RBFOX1: variants seen among roughly 807,000 people sequenced by gnomAD.
RBFOX1 encodes RNA binding protein fox-1 homolog 1.
A neutral mutation model predicts 57.7 loss-of-function variants in RBFOX1; 8 were observed. The ratio of observed to expected loss-of-function variants is 0.14; its 90% CI spans 0.08 to 0.25. The LOEUF is 0.25. Among genes scored for constraint, RBFOX1 ranks in the 10% least tolerant of loss-of-function variants. The pLI, the probability that RBFOX1 is intolerant of heterozygous loss-of-function variation, is 1.00. For synonymous variants in RBFOX1, 326 were observed against 222.4 expected, an observed-to-expected ratio of 1.47 and a Z score of -4.15; for missense variants, 611 against 548.5, an observed-to-expected ratio of 1.11 and a Z score of -1.14.
chr16:7,475,429 G>A (rs1195417467), intron 4 of RBFOX1, among the ~76,000 whole-genome samples: 2 of 151,300 alleles, frequency 1.3e-5, no homozygotes, highest in Non-Finnish European at 2.9e-5. Flanking sequence ...ATTCTCCTGC[G>A]TCAGCCTCCT....
intron 3 of RBFOX1, among the ~76,000 whole-genome samples, chr16:6,921,737 G>A (rs904430798): frequency 4.0e-5 from 6 of 151,016 alleles, no homozygotes; most frequent in Non-Finnish European, 5.9e-5. Flanking sequence ...TCATATATAT[G>A]AGCATATGTA....
chr16:5,542,264 T>G (rs1398769063), intron 2 of RBFOX1, among the ~76,000 whole-genome samples: 2 of 107,136 alleles, frequency 1.9e-5, no homozygotes, highest in Non-Finnish European at 2.1e-5. Context: ...TTTTTTTTTT[T>G]TTGAGACAGA....
At chr16:6,809,590 C>T (rs1275105938) in intron 3 of RBFOX1, among the ~76,000 whole-genome samples, 1 of 152,106 alleles carries the variant, frequency 6.6e-6, no homozygotes, top group Non-Finnish European at 1.5e-5. Context: ...CCAAAAGTGC[C>T]ATAACCTTGG....
At chr16:5,525,491 A>ATTT (rs71404528) in intron 2 of RBFOX1, among the ~76,000 whole-genome samples, 1,304 of 78,258 alleles carry the variant, frequency 0.017, 83 homozygotes, top group East Asian at 0.026. Context: ...AGCCGACACT[A>ATTT]TTTTTTTTTT....
At chr16:7,048,059 A>G (rs996222119) in intron 3 of RBFOX1, among the ~76,000 whole-genome samples, 5 of 151,760 alleles carry the variant, frequency 3.3e-5, no homozygotes, top group Non-Finnish European at 7.4e-5. Flanking sequence ...TTGTATTTTT[A>G]GTAGAGAAGG....
intron 2 of RBFOX1, among the ~76,000 whole-genome samples, chr16:5,595,783 A>T (rs144083450): frequency 8.9e-4 from 135 of 152,286 alleles, no homozygotes; most frequent in African/African-American, 3.1e-3. Context: ...GTTAAGGAGG[A>T]AAATAGGGAC....
chr16:6,483,953 C>G (rs1305923010), intron 2 of RBFOX1: 19 of 1,053,398 alleles, frequency 1.8e-5, no homozygotes, highest in East Asian at 1.5e-4. Context: ...ACCTCGGAGA[C>G]TGTGCTCAGG....
intron 4 of RBFOX1, among the ~76,000 whole-genome samples, chr16:5,941,504 A>G (rs190973365): frequency 5.3e-5 from 8 of 152,070 alleles, no homozygotes; most frequent in Admixed American, 2.6e-4. Flanking sequence ...AAAAAAAAAA[A>G]GGTAAAAGAG....
intron 3 of RBFOX1, among the ~76,000 whole-genome samples, chr16:6,740,137 C>T (rs982193392): frequency 1.4e-4 from 21 of 152,166 alleles, no homozygotes; most frequent in African/African-American, 5.1e-4. Flanking sequence ...TGATGTTATT[C>T]ACTATACCGA....
chr16:5,858,551 G>T (rs547524418), intron 3 of RBFOX1, among the ~76,000 whole-genome samples: 1 of 152,324 alleles, frequency 6.6e-6, no homozygotes, highest in Non-Finnish European at 1.5e-5. Context: ...TCGTCTGCAA[G>T]ATAGACCTAA....
chr16:6,988,275 C>T (rs2090725829), intron 3 of RBFOX1, among the ~76,000 whole-genome samples: 1 of 152,224 alleles, frequency 6.6e-6, no homozygotes, highest in South Asian at 2.1e-4. Flanking sequence ...TCAGCAAAGC[C>T]CTATAGACCT....
At chr16:6,472,036 A>G (rs2095187542) in intron 2 of RBFOX1, among the ~76,000 whole-genome samples, 1 of 152,068 alleles carries the variant, frequency 6.6e-6, no homozygotes, top group African/African-American at 2.4e-5. Context: ...TTCTTTTCCC[A>G]TCACCCCCCA....
At chr16:6,110,196 T>TTC (rs35942533) in intron 1 of RBFOX1, among the ~76,000 whole-genome samples, 2,106 of 14,342 alleles carry the variant, frequency 0.15, 14 homozygotes, top group Non-Finnish European at 0.2. Flanking sequence ...TTTCTTCTTC[T>TTC]TTTTTTTTTT....
intron 3 of RBFOX1, among the ~76,000 whole-genome samples, chr16:6,899,019 C>CCGTGTAA (rs59056535): frequency 6.7e-6 from 1 of 150,252 alleles, no homozygotes; most frequent in Admixed American, 6.6e-5. Context: ...ATGCGCGTCT[C>CCGTGTAA]TGTGTGTGTG....
chr16:7,316,682 A>G (rs1428697841), intron 4 of RBFOX1, among the ~76,000 whole-genome samples: 2 of 152,102 alleles, frequency 1.3e-5, no homozygotes, highest in Admixed American at 1.3e-4. Flanking sequence ...AGTTGGATTC[A>G]GGGGTGAGGG....
At chr16:6,806,216 A>T (rs989510716) in intron 3 of RBFOX1, among the ~76,000 whole-genome samples, 1 of 152,152 alleles carries the variant, frequency 6.6e-6, no homozygotes, top group Non-Finnish European at 1.5e-5. Context: ...AATTAATTGG[A>T]TGTTGTTCTA....
intron 2 of RBFOX1, among the ~76,000 whole-genome samples, chr16:6,547,624 C>T (rs112744621): frequency 0.018 from 2,765 of 152,240 alleles, 85 homozygotes; most frequent in African/African-American, 0.062. Flanking sequence ...AAGAAACAGT[C>T]ATGACTTACA....
intron 4 of RBFOX1, among the ~76,000 whole-genome samples, chr16:5,889,396 C>G (rs949169246): frequency 2.0e-5 from 3 of 152,152 alleles, no homozygotes; most frequent in Non-Finnish European, 2.9e-5. Flanking sequence ...AAGACATGCT[C>G]TCATTTTGTT....
At chr16:5,385,957 T>TC (rs1393203901) in intron 1 of RBFOX1, among the ~76,000 whole-genome samples, 1 of 152,112 alleles carries the variant, frequency 6.6e-6, no homozygotes, top group Non-Finnish European at 1.5e-5. Context: ...CCATATTTTT[T>TC]TGTACATCTA....
Sources: gnomAD v4.1 joint callset for allele counts (sites outside exome capture counted in the v4.1 genomes callset) on GRCh38, gnomAD v4.1.1 for gene constraint, MANE v1.5 for transcripts, NCBI Gene and HGNC (gene_info 2026-07-23, HGNC 2026-07-21) for gene names.